The following OSBPL9 variants were observed in gnomAD, a reference collection of about 807,000 sequenced individuals.
The protein encoded by OSBPL9 is oxysterol binding protein like 9, also known as oxysterol-binding protein-related protein 9.
OSBPL9 carries 40 observed loss-of-function variants against 106.6 expected under a neutral mutation model. That is an observed-to-expected ratio of 0.38 (90% CI 0.29 to 0.49). The LOEUF is 0.49. OSBPL9 is among the 20% of genes least tolerant of loss of function. OSBPL9 has a pLI of 0.97. For synonymous variants in OSBPL9, 269 were observed against 295.4 expected (o/e 0.91, Z 0.92); for missense variants, 609 against 887.2 (o/e 0.69, Z 3.98).
chr1:51,765,139 G>C (rs1672305094), intron 11 of OSBPL9, among the ~76,000 whole-genome samples: 9 of 152,176 alleles, frequency 5.9e-5, no homozygotes, highest in Admixed American at 5.9e-4. Flanking sequence ...AGATTAGATG[G>C]CAGGCTTCTT....
intron 4 of OSBPL9, among the ~76,000 whole-genome samples, chr1:51,742,526 C>T (rs919309384): frequency 6.7e-6 from 1 of 150,340 alleles, no homozygotes. Flanking sequence ...TATTTTATTG[C>T]GGAGACAGGG....
chr1:51,627,615 A>G (rs982900839), intron 1 of OSBPL9, among the ~76,000 whole-genome samples: 1 of 152,108 alleles, frequency 6.6e-6, no homozygotes, highest in African/African-American at 2.4e-5. Context: ...AGTTTTGGCT[A>G]TTCTGGATCC....
chr1:51,751,345 G>C (rs1669196895), intron 8 of OSBPL9, among the ~76,000 whole-genome samples: 1 of 152,042 alleles, frequency 6.6e-6, no homozygotes. Flanking sequence ...TTACAGGCGT[G>C]AGCTACCAAA....
At chr1:51,649,680 C>T (rs1473995681) in intron 1 of OSBPL9, among the ~76,000 whole-genome samples, 1 of 150,980 alleles carries the variant, frequency 6.6e-6, no homozygotes, top group Non-Finnish European at 1.5e-5. Context: ...CTGGGAGGAG[C>T]CTTCTGGAGT....
intron 1 of OSBPL9, among the ~76,000 whole-genome samples, chr1:51,629,673 G>A (rs1367678736): frequency 6.6e-6 from 1 of 152,174 alleles, no homozygotes; most frequent in Non-Finnish European, 1.5e-5. Context: ...ATGTGGCTCG[G>A]TGCAGTGGCT....
At chr1:51,522,287 C>T in the OSBPL9 span, among the ~76,000 whole-genome samples, 1 of 152,102 alleles carries the variant, frequency 6.6e-6, no homozygotes, top group African/African-American at 2.4e-5. Flanking sequence ...GAATCAGATG[C>T]CCTAGCAAGG....
At chr1:51,652,942 C>T (rs1046013381) in intron 2 of OSBPL9, among the ~76,000 whole-genome samples, 1 of 152,202 alleles carries the variant, frequency 6.6e-6, no homozygotes, top group Non-Finnish European at 1.5e-5. Flanking sequence ...TTCTTTCTTC[C>T]ACCTTTTTTT....
the OSBPL9 span, among the ~76,000 whole-genome samples, chr1:51,527,974 A>T: frequency 2.3e-5 from 3 of 128,220 alleles, no homozygotes; most frequent in Non-Finnish European, 5.1e-5. Context: ...AAAAAAAAAA[A>T]TTAGCCAGGG....
chr1:51,610,909 C>T lies in OSBPL9; in HGVS notation c.-352-3396C>T, dbSNP rs549861805. 2.0e-5 allele frequency among the ~76,000 whole-genome samples: 3 copies of T among 152,288 alleles called. No individual in the cohort carries two copies. The East Asian group carries it at 5.8e-4, about 29-fold the overall frequency. ...CCAAGAGATAGGAGAACCAGGCACT[C>T]AATGAGTAGATGCAATAGGTTGTCC... is the stretch of plus-strand genomic sequence containing the variant. On this transcript the variant is annotated intron_variant, in intron 2 of 25. Transcript: ENST00000371714.
the OSBPL9 span, among the ~76,000 whole-genome samples, chr1:51,553,212 C>T: frequency 1.3e-5 from 2 of 152,250 alleles, no homozygotes; most frequent in Non-Finnish European, 2.9e-5. Context: ...TCATTACCTT[C>T]CTTCTTTCTC....
At chr1:51,605,730 C>A (rs1643942901) in intron 2 of OSBPL9, among the ~76,000 whole-genome samples, 3 of 152,174 alleles carry the variant, frequency 2.0e-5, no homozygotes, top group Non-Finnish European at 4.4e-5. Flanking sequence ...GGCTTGTAAT[C>A]CCAGCACTTT....
In OSBPL9 at chr1:51,747,657, A is replaced by G. The variant is rs72898093; in HGVS notation, c.463-712A>G. Among the ~76,000 whole-genome samples the G allele has an allele frequency of 7.7e-3, 1,084 of 140,636 alleles. 9 individuals are homozygous for G. The highest frequency in any genetic ancestry group is 0.028 in the African/African-American group (1,040 of 37,640). 92.3% of individuals were successfully genotyped at this position (140,636 alleles called of 152,430 possible). ...TAACTCATGTTATAACTCACCTTTCATTTTTAGTTTTGGGATTTAGTCCCA... is the reference window on the plus strand; with the variant it reads ...TAACTCATGTTATAACTCACCTTTCGTTTTTAGTTTTGGGATTTAGTCCCA... On this transcript the variant is annotated intron_variant, in intron 6 of 23. Transcript: ENST00000428468.
At chr1:51,586,526 T>C (rs1645248962) in intron 1 of OSBPL9, among the ~76,000 whole-genome samples, 1 of 152,250 alleles carries the variant, frequency 6.6e-6, no homozygotes, top group Non-Finnish European at 1.5e-5. Flanking sequence ...ATGTTACATA[T>C]GCATAAAGTA....
At position 51,729,943 on chromosome 1, in the gene OSBPL9, C is replaced by T. The variant is rs745601978; in HGVS notation, c.319-15593C>T. ...TCGGGAGCAGCCCCCGGCTACCTCCCCTGGAGGCACAGAGGGCGGGGGCCT... is the reference window on the plus strand; with the variant it reads ...TCGGGAGCAGCCCCCGGCTACCTCCTCTGGAGGCACAGAGGGCGGGGGCCT... On this transcript the variant is annotated intron_variant, in intron 4 of 23. Coordinates refer to ENST00000428468, the MANE Select transcript of OSBPL9 (RefSeq NM_024586.6). The surrounding 1 kb of genome is among the most constrained non-coding windows in gnomAD (Gnocchi z 5.1). The T allele has an allele frequency of 2.7e-5, 36 of 1,313,260 alleles. No homozygotes were observed. In the East Asian group the frequency reaches 9.5e-4, roughly 35 times the overall value. 81.4% of individuals were successfully genotyped at this position (1,313,260 alleles called of 1,614,324 possible). A position where few individuals can be genotyped will look rare whatever the true frequency, so the allele number is the denominator to read the frequency against.
chr1:51,667,788 A>C (rs576499595), intron 2 of OSBPL9, among the ~76,000 whole-genome samples: 1 of 152,334 alleles, frequency 6.6e-6, no homozygotes, highest in Non-Finnish European at 1.5e-5. Context: ...CTGTCGTGGA[A>C]TAGCTAGGTT....
intron 12 of OSBPL9, among the ~76,000 whole-genome samples, chr1:51,771,484 C>T (rs1054161727): frequency 2.0e-5 from 3 of 151,990 alleles, no homozygotes; most frequent in Non-Finnish European, 4.4e-5. Context: ...TATAAATATA[C>T]GTGCGTGTGC....
chr1:51,726,598 G>T (rs528436027), intron 4 of OSBPL9, among the ~76,000 whole-genome samples: 4 of 151,820 alleles, frequency 2.6e-5, no homozygotes, highest in Admixed American at 2.0e-4. Flanking sequence ...TAATAGGCAC[G>T]GCCTATTTTT....
chr1:51,781,971 C>T (rs1395087036), intron 16 of OSBPL9, among the ~76,000 whole-genome samples: 3 of 151,924 alleles, frequency 2.0e-5, no homozygotes, highest in Non-Finnish European at 4.4e-5. Flanking sequence ...GGGGATGGGG[C>T]TTTCAAAGAG....
intron 4 of OSBPL9, among the ~76,000 whole-genome samples, chr1:51,720,792 AT>A (rs34137715): frequency 0.069 from 6,945 of 101,178 alleles, 77 homozygotes; most frequent in African/African-American, 0.13. Context: ...TCAAATTGGA[AT>A]TTTTTTTTTT....
Sources: allele counts gnomAD v4.1 joint callset (sites outside exome capture counted in the v4.1 genomes callset), GRCh38; gene constraint gnomAD v4.1.1; non-coding constraint Gnocchi (gnomAD v3.1); transcripts MANE v1.5; gene names NCBI Gene and HGNC (gene_info 2026-07-23, HGNC 2026-07-21).